Variants in ARK2C observed in about 807,000 individuals in gnomAD.
ARK2C encodes E3 ubiquitin-protein ligase ARK2C.
At chr18:46,399,451 C>T in the ARK2C span, among the ~76,000 whole-genome samples, 22 of 152,296 alleles carry the variant, frequency 1.4e-4, no homozygotes, top group African/African-American at 1.9e-4. Context: ...TACTGGGCCT[C>T]GGCACGTGAC....
the ARK2C span, chr18:46,334,487 C>A: frequency 3.3e-6 from 2 of 602,154 alleles, no homozygotes; most frequent in Non-Finnish European, 5.1e-6. This position sits in a 1 kb window ranked among gnomAD's most constrained non-coding sequence, Gnocchi z 4.4. Context: ...TTTAGGGGGA[C>A]CCCCGAGGGT....
chr18:46,385,890 A>T, the ARK2C span: 7 of 152,222 alleles, frequency 4.6e-5, no homozygotes, highest in African/African-American at 1.7e-4. Context: ...TTACTAATAC[A>T]TGCCAAGAAG....
the ARK2C span, among the ~76,000 whole-genome samples, chr18:46,419,452 G>A: frequency 1.3e-5 from 2 of 152,176 alleles, no homozygotes; most frequent in African/African-American, 4.8e-5. Flanking sequence ...AGATTGGAAA[G>A]CTGAAGTCCA....
chr18:46,436,823 A>T, the ARK2C span, among the ~76,000 whole-genome samples: 1 of 152,336 alleles, frequency 6.6e-6, no homozygotes, highest in African/African-American at 2.4e-5. Context: ...TGCAATTTGG[A>T]TTGAATTCTG....
the ARK2C span, among the ~76,000 whole-genome samples, chr18:46,366,279 C>G: frequency 6.6e-5 from 7 of 105,766 alleles, no homozygotes; most frequent in Non-Finnish European, 1.0e-4. Flanking sequence ...GCAACAAGAG[C>G]AGAACTCTGG....
the ARK2C span, chr18:46,335,076 GTGTGTGCA>G: frequency 6.6e-6 from 1 of 152,372 alleles, no homozygotes; most frequent in Non-Finnish European, 1.5e-5. Flanking sequence ...GTCTGTATGT[GTGTGTGCA>G]TGTGTGCGAG....
chr18:46,442,035 C>T, the ARK2C span, among the ~76,000 whole-genome samples: 10 of 150,336 alleles, frequency 6.7e-5, no homozygotes, highest in South Asian at 2.1e-4. Context: ...TGGTGGCGCG[C>T]GCCTGTAGTC....
the ARK2C span, chr18:46,435,197 C>A: frequency 9.6e-7 from 1 of 1,046,894 alleles, no homozygotes. Context: ...AAGAGTGGGG[C>A]ACCCTCAGGC....
chr18:46,359,035 G>T, the ARK2C span, among the ~76,000 whole-genome samples: 175 of 152,292 alleles, frequency 1.1e-3, no homozygotes, highest in African/African-American at 4.0e-3. Context: ...CAAAGCTTGG[G>T]CAAGTCACTT....
the ARK2C span, among the ~76,000 whole-genome samples, chr18:46,421,256 C>G: frequency 6.6e-6 from 1 of 152,220 alleles, no homozygotes; most frequent in Non-Finnish European, 1.5e-5. Flanking sequence ...TTGTTTCTCC[C>G]TCTGACACCA....
the ARK2C span, among the ~76,000 whole-genome samples, chr18:46,399,713 G>A: frequency 6.6e-6 from 1 of 152,152 alleles, no homozygotes; most frequent in Non-Finnish European, 1.5e-5. Context: ...TCACAGGTGA[G>A]GAACTGAGAG....
At chr18:46,430,627 C>CT in the ARK2C span, among the ~76,000 whole-genome samples, 13 of 152,244 alleles carry the variant, frequency 8.5e-5, no homozygotes, top group Middle Eastern at 0.01. Flanking sequence ...ACGTTTGCAT[C>CT]TTTTTTCCTC....
chr18:46,434,844 G>C, the ARK2C span, among the ~76,000 whole-genome samples: 1 of 152,150 alleles, frequency 6.6e-6, no homozygotes, highest in Admixed American at 6.5e-5. Context: ...TTTGACCTGT[G>C]CCATGAAAGC....
At chr18:46,336,984 G>A in the ARK2C span, 30 of 985,272 alleles carry the variant, frequency 3.0e-5, no homozygotes, top group East Asian at 1.1e-4. Context: ...TGGCCATAGC[G>A]TCTTAATTGT....
At chr18:46,427,504 C>T in the ARK2C span, among the ~76,000 whole-genome samples, 5 of 152,212 alleles carry the variant, frequency 3.3e-5, no homozygotes, top group South Asian at 2.1e-4. Context: ...AGGGCCCACC[C>T]GGGAGGGTAC....
At chr18:46,394,400 C>A in the ARK2C span, among the ~76,000 whole-genome samples, 48 of 152,262 alleles carry the variant, frequency 3.2e-4, no homozygotes, top group East Asian at 8.9e-3. Context: ...GGTTCACTCT[C>A]GGAGATGACA....
chr18:46,348,318 T>G, the ARK2C span, among the ~76,000 whole-genome samples: 1 of 152,114 alleles, frequency 6.6e-6, no homozygotes, highest in African/African-American at 2.4e-5. Flanking sequence ...ACTGATGGCA[T>G]GCAGGGAAGC....
the ARK2C span, among the ~76,000 whole-genome samples, chr18:46,354,014 A>G: frequency 4.6e-5 from 7 of 152,124 alleles, no homozygotes; most frequent in Non-Finnish European, 1.0e-4. Flanking sequence ...AGCTGGGGAG[A>G]AGACAAGCTC....
chr18:46,432,455 A>G, the ARK2C span, among the ~76,000 whole-genome samples: 3 of 152,300 alleles, frequency 2.0e-5, no homozygotes, highest in Non-Finnish European at 2.9e-5. Flanking sequence ...TTAGGGCTCC[A>G]TATGGATTGA....
Sources: gnomAD v4.1 joint callset for allele counts (sites outside exome capture counted in the v4.1 genomes callset) on GRCh38, gnomAD v4.1.1 for gene constraint, Gnocchi (gnomAD v3.1) non-coding constraint, MANE v1.5 for transcripts, NCBI Gene and HGNC (gene_info 2026-07-23, HGNC 2026-07-21) for gene names.